ANKFN1: variants seen among roughly 807,000 people sequenced by gnomAD.
ANKFN1 encodes ankyrin repeat and fibronectin type-III domain-containing protein 1.
A neutral mutation model predicts 108.7 loss-of-function variants in ANKFN1; 74 were observed. The observed-to-expected ratio is 0.68, with a 90% confidence interval of 0.56 to 0.83. The LOEUF (loss-of-function observed/expected upper bound fraction) is 0.83, where lower values mean the gene tolerates loss of function less well. Ranked by LOEUF, ANKFN1 falls within the 40% of genes least tolerant of loss-of-function variation. The pLI, the probability that ANKFN1 is intolerant of heterozygous loss-of-function variation, is 0.00. For synonymous variants in ANKFN1, 547 were observed against 516.2 expected (o/e 1.06, Z -0.81); for missense variants, 1,505 against 1,382.3 (o/e 1.09, Z -1.41).
At position 56,333,319 on chromosome 17, in the gene ANKFN1, A is replaced by G. The variant is rs555017530; in HGVS notation, c.188+6964A>G. Among the ~76,000 whole-genome samples the G allele has an allele frequency of 2.0e-5, 3 of 152,124 alleles. No homozygotes were observed. In the South Asian group the frequency reaches 6.2e-4, roughly 31 times the overall value. The stretch of plus-strand genomic sequence containing the variant: ...GGTTTTAAAATATTCTTTTAATCAG[A>G]TTGAAGAGGTTCCCTTACATTCCTG... On this transcript the variant is annotated intron_variant, in intron 4 of 20. Coordinates refer to ENST00000682825, the MANE Select transcript of ANKFN1 (RefSeq NM_001370326.1).
intron 3 of ANKFN1, among the ~76,000 whole-genome samples, chr17:56,282,569 A>G (rs1455627715): frequency 6.6e-6 from 1 of 152,242 alleles, no homozygotes; most frequent in Non-Finnish European, 1.5e-5. Flanking sequence ...GATGAGTTTG[A>G]AATGATTGCA....
chr17:56,481,512 G>GCACACA lies in ANKFN1; in HGVS notation c.2091+703_2091+708dup. On this transcript the variant is annotated intron_variant, in intron 17 of 20. Coordinates refer to ENST00000682825, the MANE Select transcript of ANKFN1 (RefSeq NM_001370326.1). ...AAAACACACACACACACACACACAC[G>GCACACA]CACACACACACACATAATGAACCAA... 2.0e-5 allele frequency among the ~76,000 whole-genome samples: 2 copies of GCACACA among 101,116 alleles called. 1 individual carries two copies. The highest frequency in any genetic ancestry group is 8.7e-4 in the East Asian group (2 of 2,288). The allele number at this position is 101,116 out of a possible 152,430, so 66.3% of individuals were successfully genotyped here. A position where few individuals can be genotyped will look rare whatever the true frequency, so the allele number is the denominator to read the frequency against.
chr17:56,477,783 A>T, intron 16 of ANKFN1, 129 bp downstream of exon 16: 1 of 918,094 alleles, frequency 1.1e-6, no homozygotes, highest in Admixed American at 2.5e-5. Context: ...CTCAGATGCC[A>T]CACTGAAGTG....
intron 4 of ANKFN1, among the ~76,000 whole-genome samples, chr17:56,340,996 T>C (rs1018670070): frequency 6.6e-6 from 1 of 152,100 alleles, no homozygotes; most frequent in Non-Finnish European, 1.5e-5. Flanking sequence ...GTGGTTTTAG[T>C]TCTCCTTGTA....
At chr17:56,064,511 G>A (rs556111340) in intron 4 of ANKFN1, among the ~76,000 whole-genome samples, 1 of 152,326 alleles carries the variant, frequency 6.6e-6, no homozygotes, top group African/African-American at 2.4e-5. Flanking sequence ...CACTCTGGCC[G>A]CAGTCTGCCA....
chr17:56,267,862 G>A (rs2043693669), intron 3 of ANKFN1, among the ~76,000 whole-genome samples: 4 of 152,064 alleles, frequency 2.6e-5, no homozygotes, highest in African/African-American at 9.7e-5. Context: ...ACTTAGGATT[G>A]CTTTGGCTAT....
At chr17:56,368,275 ACT>A in intron 6 of ANKFN1, 2 of 31,328 alleles carry the variant, frequency 6.4e-5, no homozygotes, top group African/African-American at 1.3e-4. Flanking sequence ...CTGAAAATGA[ACT>A]TTTTTTTTTT....
chr17:56,268,396 C>T (rs2043709225), intron 3 of ANKFN1, among the ~76,000 whole-genome samples: 1 of 152,116 alleles, frequency 6.6e-6, no homozygotes, highest in African/African-American at 2.4e-5. Context: ...AACAAAGACA[C>T]AACATACCAG....
chr17:56,179,478 A>G (rs1010386404), intron 1 of ANKFN1, among the ~76,000 whole-genome samples: 1 of 152,164 alleles, frequency 6.6e-6, no homozygotes, highest in Non-Finnish European at 1.5e-5. Context: ...ATTTTTTCAA[A>G]GTGCTAGAGG....
At chr17:56,143,722 A>G (rs535247852) in intron 4 of ANKFN1, among the ~76,000 whole-genome samples, 13 of 152,304 alleles carry the variant, frequency 8.5e-5, no homozygotes, top group African/African-American at 2.2e-4. Context: ...ATGCGTCCTT[A>G]TAAGATAAAG....
At chr17:56,396,955 T>G (rs977403944) in intron 8 of ANKFN1, among the ~76,000 whole-genome samples, 2 of 152,070 alleles carry the variant, frequency 1.3e-5, no homozygotes, top group African/African-American at 4.8e-5. Context: ...ATCATATAGT[T>G]GCAGAAAGCT....
intron 4 of ANKFN1, among the ~76,000 whole-genome samples, chr17:56,341,150 T>C (rs1474393582): frequency 6.6e-6 from 1 of 152,166 alleles, no homozygotes; most frequent in Non-Finnish European, 1.5e-5. Context: ...GGCACATTGA[T>C]TTTGTATCCT....
chr17:56,055,796 T>G (rs986502293), intron 4 of ANKFN1, among the ~76,000 whole-genome samples: 1 of 151,384 alleles, frequency 6.6e-6, no homozygotes, highest in Non-Finnish European at 1.5e-5. Flanking sequence ...TTGAGAAATC[T>G]CTATACTGTT....
In ANKFN1 at chr17:56,372,687, G is replaced by A. The variant is rs758539374; in HGVS notation, c.643G>A (p.Val215Ile). The A allele has an allele frequency of 6.2e-7, 1 of 1,613,752 alleles. No homozygotes were observed. The highest frequency in any genetic ancestry group is 1.7e-5 in the Admixed American group (1 of 59,978). Residue 215 changes from valine (V) to isoleucine (I), a missense_variant, in exon 7 of 21, where the codon GTC (valine) becomes ATC (isoleucine). Val to Ile is a conservative substitution (Grantham distance 29). Coordinates refer to ENST00000682825, the MANE Select transcript of ANKFN1 (RefSeq NM_001370326.1). ...CCGAGCAATGCACCTCAACACACTGGTCCAGGAAGCCCAGGAGAGGGTGAG... is the reference window on the plus strand; with the variant it reads ...CCGAGCAATGCACCTCAACACACTGATCCAGGAAGCCCAGGAGAGGGTGAG... ...ESRAMHLNTL[V>I]QEAQERVSEL...
chr17:56,153,952 CCTT>C (rs557807387), intron 1 of ANKFN1, among the ~76,000 whole-genome samples: 127 of 152,304 alleles, frequency 8.3e-4, no homozygotes, highest in Middle Eastern at 3.4e-3. Flanking sequence ...TGGATTCTCT[CCTT>C]CTCTCTCTCT....
chr17:56,247,288 A>G (rs1045451455), intron 3 of ANKFN1, among the ~76,000 whole-genome samples: 2 of 152,198 alleles, frequency 1.3e-5, no homozygotes, highest in Non-Finnish European at 2.9e-5. Flanking sequence ...AGGAAAGGAA[A>G]TTTAGGGATT....
intron 4 of ANKFN1, among the ~76,000 whole-genome samples, chr17:56,083,266 C>T (rs1905269540): frequency 6.6e-6 from 1 of 151,372 alleles, no homozygotes; most frequent in Non-Finnish European, 1.5e-5. Flanking sequence ...AATGGAGAAA[C>T]TGAAGCCTAC....
chr17:56,138,295 T>C (rs769205790), intron 4 of ANKFN1, among the ~76,000 whole-genome samples: 4 of 152,016 alleles, frequency 2.6e-5, no homozygotes, highest in Non-Finnish European at 5.9e-5. Context: ...ATCCAGAAAA[T>C]GGATTTGAAT....
At chr17:56,228,052 T>A in intron 3 of ANKFN1, 95 bp downstream of exon 3, 2 of 1,043,840 alleles carry the variant, frequency 1.9e-6, no homozygotes, top group South Asian at 1.5e-5. Flanking sequence ...ATTGCTGCAT[T>A]TTTAAAGTCT....
Sources: gnomAD v4.1 joint callset for allele counts (sites outside exome capture counted in the v4.1 genomes callset) on GRCh38, gnomAD v4.1.1 for gene constraint, MANE v1.5 for transcripts, NCBI Gene and HGNC (gene_info 2026-07-23, HGNC 2026-07-21) for gene names.